Variants in EXOC4 observed in about 807,000 individuals in gnomAD.
EXOC4 encodes the protein SEC8-like 1.
A neutral mutation model predicts 107.2 loss-of-function variants in EXOC4; 71 were observed. The observed-to-expected ratio is 0.66, with a 90% CI of 0.55 to 0.81. The LOEUF (loss-of-function observed/expected upper bound fraction) is 0.81, where lower values mean the gene tolerates loss of function less well. Ranked by LOEUF, EXOC4 falls within the 30% of genes least tolerant of loss-of-function variation. EXOC4 has a pLI of 0.00. For synonymous variants in EXOC4, 456 were observed against 441.2 expected (o/e 1.03, Z -0.42); for missense variants, 1,108 against 1,189.6 (o/e 0.93, Z 1.01).
rs560693200 is a variant in EXOC4 at position 133,346,327 on chromosome 7, T to C, written c.764-10003T>C. Among the ~76,000 whole-genome samples, 104 of 152,346 alleles carry C rather than the reference T, an allele frequency of 6.8e-4. 1 individual carries two copies. The highest frequency in any genetic ancestry group is 1.3e-3 in the Non-Finnish European group (86 of 68,032). ...GCATGGGCCAAATCCAGCCTGCTTC[T>C]GTCTGCTTCTCCATCCAGCGCTCAT... is the stretch of plus-strand genomic sequence containing the variant. On this transcript the variant is annotated intron_variant, in intron 5 of 17. Coordinates refer to ENST00000253861, the MANE Select transcript of EXOC4 (RefSeq NM_021807.4).
chr7:133,423,299 G>GAGAATTCTTCTAGAGATTAATTCT (rs930247766), intron 7 of EXOC4, among the ~76,000 whole-genome samples: 1 of 152,122 alleles, frequency 6.6e-6, no homozygotes, highest in African/African-American at 2.4e-5. Flanking sequence ...GTTTCTTTGT[G>GAGAATTCTTCTAGAGATTAATTCT]AGAATTCTTC....
chr7:133,727,696 T>G (rs1226849834), intron 10 of EXOC4: 1 of 152,672 alleles, frequency 6.5e-6, no homozygotes, highest in African/African-American at 2.4e-5. Flanking sequence ...ACTGCGGGCC[T>G]GCGTAGTCAA....
chr7:133,787,364 TGTGTGTGTGTGTGTGTGTGTGTGTGA>T (rs760518895), intron 10 of EXOC4, among the ~76,000 whole-genome samples: 14,771 of 96,006 alleles, frequency 0.15, 966 homozygotes, highest in Middle Eastern at 0.21. Flanking sequence ...TGTGTGTGTG[TGTGTGTGTGTGTGTGTGTGTGTGTGA>T]GATGAGGTCT....
intron 11 of EXOC4, among the ~76,000 whole-genome samples, chr7:133,862,261 G>A (rs1013424690): frequency 6.6e-6 from 1 of 151,820 alleles, no homozygotes; most frequent in Non-Finnish European, 1.5e-5. Context: ...GGAGGCTGAG[G>A]CAGGTGGATC....
intron 14 of EXOC4, among the ~76,000 whole-genome samples, chr7:133,985,106 T>G (rs540872023): frequency 2.0e-5 from 3 of 152,140 alleles, no homozygotes; most frequent in Non-Finnish European, 4.4e-5. Context: ...AGTTAATGTT[T>G]GTAGTTAGGG....
chr7:133,333,593 C>T (rs1229790184), intron 5 of EXOC4, among the ~76,000 whole-genome samples: 5 of 152,058 alleles, frequency 3.3e-5, no homozygotes, highest in Non-Finnish European at 5.9e-5. Context: ...TATGTGTGTA[C>T]ACCATACACA....
intron 10 of EXOC4, among the ~76,000 whole-genome samples, chr7:133,667,055 A>T (rs1409946511): frequency 2.6e-5 from 4 of 151,964 alleles, no homozygotes; most frequent in African/African-American, 9.7e-5. Flanking sequence ...GAAATAATTT[A>T]TATATATATT....
At chr7:133,887,729 A>G (rs1369318931) in intron 11 of EXOC4, among the ~76,000 whole-genome samples, 1 of 152,206 alleles carries the variant, frequency 6.6e-6, no homozygotes, top group African/African-American at 2.4e-5. Flanking sequence ...CCTCATGCTC[A>G]TCTTCCCTGC....
At chr7:133,350,864 T>C (rs184381607) in intron 5 of EXOC4, among the ~76,000 whole-genome samples, 1 of 152,176 alleles carries the variant, frequency 6.6e-6, no homozygotes, top group Non-Finnish European at 1.5e-5. Flanking sequence ...CCATTAATTA[T>C]AATTTTTTAA....
In EXOC4 at chr7:133,922,063, T is replaced by C. The variant is rs115349298; in HGVS notation, c.2027+4325T>C. On this transcript the variant is annotated intron_variant, in intron 13 of 17. Transcript: ENST00000253861. The stretch of plus-strand genomic sequence containing the variant: ...AGTGTTTTTTATTTCTAACATTTGC[T>C]CTTGATTCTTTCTTAGAGTTTTCAT... 5.2e-3 allele frequency among the ~76,000 whole-genome samples: 788 copies of C among 152,318 alleles called. 7 individuals are homozygous for C. The highest frequency in any genetic ancestry group is 0.018 in the African/African-American group (730 of 41,576).
In EXOC4 at chr7:133,357,198, A is replaced by G. The variant is rs900959100; in HGVS notation, c.1007+625A>G. Among the ~76,000 whole-genome samples the G allele has an allele frequency of 5.3e-5, 8 of 152,348 alleles. No individual in the cohort carries two copies. In the East Asian group the frequency reaches 1.5e-3, roughly 29 times the overall value. ...ATGTAGCAGCTATTGTACACATACT[A>G]AGTACTCAGCAATGTTCAAGGCAAT... On this transcript the variant is annotated intron_variant, in intron 6 of 17. Transcript: ENST00000253861.
chr7:133,690,976 C>T (rs965681658), intron 10 of EXOC4, among the ~76,000 whole-genome samples: 1 of 152,208 alleles, frequency 6.6e-6, no homozygotes, highest in Non-Finnish European at 1.5e-5. Context: ...TCCGGAAGTA[C>T]GGAGCACCCT....
chr7:133,586,474 A>T (rs1443802504), intron 9 of EXOC4, among the ~76,000 whole-genome samples: 1 of 152,174 alleles, frequency 6.6e-6, no homozygotes, highest in African/African-American at 2.4e-5. Context: ...ATAGTATTCC[A>T]TGGTCGTGTA....
At chr7:133,801,162 G>A (rs1201629613) in intron 10 of EXOC4, among the ~76,000 whole-genome samples, 6 of 152,168 alleles carry the variant, frequency 3.9e-5, no homozygotes, top group South Asian at 2.1e-4. Flanking sequence ...ATCGGGAAAC[G>A]AGCCATGTAG....
At chr7:133,922,727 A>G (rs1208240673) in intron 13 of EXOC4, among the ~76,000 whole-genome samples, 3 of 152,096 alleles carry the variant, frequency 2.0e-5, no homozygotes, top group Admixed American at 6.6e-5. Flanking sequence ...AGGTGCCTGT[A>G]GTCCCCAGCT....
intron 10 of EXOC4, among the ~76,000 whole-genome samples, chr7:133,800,372 T>C (rs543586453): frequency 1.3e-5 from 2 of 152,202 alleles, no homozygotes; most frequent in Non-Finnish European, 2.9e-5. Context: ...TGATATCGTC[T>C]TCTTCTAGAG....
chr7:133,762,153 A>G (rs1043061375), intron 10 of EXOC4, among the ~76,000 whole-genome samples: 3 of 152,162 alleles, frequency 2.0e-5, no homozygotes, highest in South Asian at 2.1e-4. Flanking sequence ...CTTTTCATGT[A>G]TGTATGTCTT....
At chr7:133,555,328 A>G (rs1177066388) in intron 9 of EXOC4, among the ~76,000 whole-genome samples, 1 of 152,158 alleles carries the variant, frequency 6.6e-6, no homozygotes, top group African/African-American at 2.4e-5. Context: ...TATTCTTGTT[A>G]GCTATATTTT....
intron 10 of EXOC4, among the ~76,000 whole-genome samples, chr7:133,742,254 A>G (rs1015944661): frequency 6.6e-6 from 1 of 152,142 alleles, no homozygotes; most frequent in African/African-American, 2.4e-5. Flanking sequence ...GGCTGTTGCT[A>G]GCTAGCCCTT....
Sources: gnomAD v4.1 joint callset for allele counts (sites outside exome capture counted in the v4.1 genomes callset) on GRCh38, gnomAD v4.1.1 for gene constraint, MANE v1.5 for transcripts, NCBI Gene and HGNC (gene_info 2026-07-23, HGNC 2026-07-21) for gene names.